The following KDM1B variants were observed in gnomAD, a reference collection of about 807,000 sequenced individuals.
The protein encoded by KDM1B is lysine-specific histone demethylase 2.
KDM1B carries 63 observed loss-of-function variants against 107.4 expected under a neutral mutation model. The observed-to-expected ratio is 0.59, with a 90% CI of 0.48 to 0.72. The LOEUF (loss-of-function observed/expected upper bound fraction) is 0.72. Among genes scored for constraint, KDM1B ranks in the 30% least tolerant of loss-of-function variants. The pLI is 0.00. For missense variants in KDM1B, 749 were observed against 1,020.8 expected (o/e 0.73, Z 3.63); for synonymous variants, 363 against 363.9 (o/e 1.00, Z 0.03).
chr6:18,214,976 A>C lies in KDM1B; in HGVS notation c.2110-31A>C. The C allele has an allele frequency of 1.2e-6, 2 of 1,611,270 alleles. No individual in the cohort carries two copies. Among genetic ancestry groups the C allele is most frequent in the Non-Finnish European group, 1.7e-6 (2 of 1,178,666 alleles). ...TTATCTGTGGGAGCTGAGCACTCAC[A>C]GACCTCCTGCTTTTCCTTTCATGTC... On this transcript the variant is annotated intron_variant, in intron 19 of 21. Coordinates refer to ENST00000650836, the MANE Select transcript of KDM1B (RefSeq NM_001364614.2). This position sits in a 1 kb window ranked among gnomAD's most constrained non-coding sequence, Gnocchi z 4.4.
intron 6 of KDM1B, among the ~76,000 whole-genome samples, chr6:18,166,669 A>C (rs1785318300): frequency 6.6e-6 from 1 of 152,040 alleles, no homozygotes; most frequent in African/African-American, 2.4e-5. Context: ...TCTCATAGTA[A>C]GACCCCATCT....
Position 18,186,756 on chromosome 6 carries a change from G to A in KDM1B, c.573+946G>A, listed in dbSNP as rs1172756469. On this transcript the variant is annotated intron_variant, in intron 8 of 21. Coordinates refer to ENST00000650836, the MANE Select transcript of KDM1B (RefSeq NM_001364614.2). This position sits in a 1 kb window ranked among gnomAD's most constrained non-coding sequence, Gnocchi z 5.6. ...TCCTTCATGATGGCTGGAAGGAGAAGTGTCAAGCAAAGGGGGAAAAGCCCC... is the reference window on the plus strand; with the variant it reads ...TCCTTCATGATGGCTGGAAGGAGAAATGTCAAGCAAAGGGGGAAAAGCCCC... Among the ~76,000 whole-genome samples, 2 of 152,104 alleles carry A rather than the reference G, an allele frequency of 1.3e-5. No individual in the cohort carries two copies. The highest frequency in any genetic ancestry group is 1.5e-5 in the Non-Finnish European group (1 of 68,026).
At position 18,166,336 on chromosome 6, in the gene KDM1B, T is replaced by C. The variant is rs762210329; in HGVS notation, c.375T>C (p.Pro125=). The part of the protein sequence containing the change: ...KIWTSNGKTE[P]SPKAFMADQQ... The stretch of plus-strand genomic sequence containing the variant: ...GGACTAGCAATGGCAAAACCGAACC[T>C]AGTCCCAAAGCTTTCATGGCAGACC... The change falls in exon 6 of 22, where the codon CCT becomes CCC. Residue 125 remains proline, a synonymous_variant. Transcript: ENST00000650836. 6.2e-7 allele frequency: 1 copy of C among 1,613,390 alleles called. No homozygotes were observed. Among genetic ancestry groups the C allele is most frequent in the South Asian group, 1.1e-5 (1 of 91,070 alleles).
rs1246559813 is a variant in KDM1B, at chr6:18,159,613, A to G, written c.-13-270A>G. Among the ~76,000 whole-genome samples, 22 of 152,144 alleles carry G rather than the reference A, an allele frequency of 1.4e-4. No homozygotes were observed. The highest frequency in any genetic ancestry group is 1.4e-3 in the Admixed American group (22 of 15,264). On this transcript the variant is annotated intron_variant, in intron 2 of 21. Coordinates refer to ENST00000650836, the MANE Select transcript of KDM1B (RefSeq NM_001364614.2). The surrounding 1 kb of genome is among the most constrained non-coding windows in gnomAD (Gnocchi z 4.5). ...GGCTTAGAGAGGTTAAGAACTTGAA[A>G]ATGGTGGCTTGAGCCAGGTGGTGTG...
At position 18,214,942 on chromosome 6, in the gene KDM1B, A is replaced by AAT; in HGVS notation, c.2110-64_2110-63insTA. The AAT allele has an allele frequency of 6.5e-7, 1 of 1,531,358 alleles. No individual in the cohort carries two copies. Among genetic ancestry groups the AAT allele is most frequent in the Non-Finnish European group, 8.8e-7 (1 of 1,136,282 alleles). The allele number at this position is 1,531,358 out of a possible 1,614,324, so 94.9% of individuals were successfully genotyped here. ...ACAAAACAAAACAAAAAACAAAAAAAAGAGGCCCTTATCTGTGGGAGCTGA... is the reference window on the plus strand; with the variant it reads ...ACAAAACAAAACAAAAAACAAAAAAAATAGAGGCCCTTATCTGTGGGAGCTGA... On this transcript the variant is annotated intron_variant, in intron 19 of 21. Coordinates refer to ENST00000650836, the MANE Select transcript of KDM1B (RefSeq NM_001364614.2). The surrounding 1 kb of genome is among the most constrained non-coding windows in gnomAD (Gnocchi z 4.4).
intron 15 of KDM1B, among the ~76,000 whole-genome samples, 191 bp from the exon 16 acceptor site, chr6:18,207,207 C>T (rs1193980976): frequency 6.6e-6 from 1 of 151,788 alleles, no homozygotes; most frequent in African/African-American, 2.4e-5. Flanking sequence ...ACCTTTTGTT[C>T]TCAAATAAAC....
At chr6:18,161,216 T>C (rs553462507) in intron 3 of KDM1B, 111 bp from the exon 4 acceptor site, 4 of 900,042 alleles carry the variant, frequency 4.4e-6, no homozygotes, top group African/African-American at 1.6e-5. Context: ...ACTGCCATGA[T>C]GTTTTTGACC....
At chr6:18,170,107 C>T (rs1785559236) in intron 6 of KDM1B, among the ~76,000 whole-genome samples, 1 of 151,950 alleles carries the variant, frequency 6.6e-6, no homozygotes, top group Non-Finnish European at 1.5e-5. Flanking sequence ...GATGGGGTTT[C>T]ACCATGTTGG....
chr6:18,206,427 G>A (rs1245605685), intron 15 of KDM1B, among the ~76,000 whole-genome samples: 1 of 152,140 alleles, frequency 6.6e-6, no homozygotes, highest in Non-Finnish European at 1.5e-5. Context: ...TGAGGTGGGA[G>A]GATTGCTTGA....
intron 10 of KDM1B, among the ~76,000 whole-genome samples, chr6:18,194,162 C>T (rs1364584753): frequency 3.9e-5 from 6 of 152,116 alleles, no homozygotes; most frequent in Admixed American, 3.3e-4. Context: ...CAGGCGTGCA[C>T]TACCACGCCT....
chr6:18,177,204 T>G (rs185434301), intron 7 of KDM1B, among the ~76,000 whole-genome samples: 15 of 152,304 alleles, frequency 9.8e-5, no homozygotes, highest in Admixed American at 3.3e-4. Flanking sequence ...AGGGTTGTAT[T>G]TTTCCAGGAA....
chr6:18,164,585 TTAA>T (rs1785172240), intron 5 of KDM1B, among the ~76,000 whole-genome samples: 1 of 152,226 alleles, frequency 6.6e-6, no homozygotes, highest in Admixed American at 6.5e-5. Context: ...CTCAGCTTTT[TTAA>T]TGTTAGCATG....
Position 18,201,201 on chromosome 6 carries a change from G to A in KDM1B, c.1360-285G>A, listed in dbSNP as rs367926384. On this transcript the variant is annotated intron_variant, in intron 13 of 21. Transcript: ENST00000650836. The surrounding 1 kb of genome is among the most constrained non-coding windows in gnomAD (Gnocchi z 4.3). ...AGACAGAATGTTTGAGCAAGGACAGGCAGTGTCTAGCATCTGAAACATTAG... is the reference window on the plus strand; with the variant it reads ...AGACAGAATGTTTGAGCAAGGACAGACAGTGTCTAGCATCTGAAACATTAG... 5.9e-5 allele frequency among the ~76,000 whole-genome samples: 9 copies of A among 152,288 alleles called. No individual in the cohort carries two copies. The highest frequency in any genetic ancestry group is 5.8e-4 in the East Asian group (3 of 5,178).
In KDM1B at chr6:18,191,417, G is replaced by C; in HGVS notation, c.969+36G>C. ...GCATGTTAGCCAATAGCACTGGACA[G>C]AGGAGGACCATGTTGAAAAGGAGGG... On this transcript the variant is annotated intron_variant, in intron 10 of 21. Coordinates refer to ENST00000650836, the MANE Select transcript of KDM1B (RefSeq NM_001364614.2). The surrounding 1 kb of genome is among the most constrained non-coding windows in gnomAD (Gnocchi z 5.1). 1 of 1,520,994 alleles carries C rather than the reference G, an allele frequency of 6.6e-7. No individual in the cohort carries two copies. Among genetic ancestry groups the C allele is most frequent in the South Asian group, 1.2e-5 (1 of 81,766 alleles). 94.2% of individuals were successfully genotyped at this position (1,520,994 alleles called of 1,614,324 possible). A position where few individuals can be genotyped will look rare whatever the true frequency, so the allele number is the denominator to read the frequency against.
At chr6:18,210,147 T>C (rs902364860) in intron 17 of KDM1B, among the ~76,000 whole-genome samples, 3 of 152,146 alleles carry the variant, frequency 2.0e-5, no homozygotes, top group Non-Finnish European at 2.9e-5. Context: ...CACCACAGTT[T>C]GCATTGGAAG....
At chr6:18,183,870 C>G (rs967210673) in intron 7 of KDM1B, among the ~76,000 whole-genome samples, 1 of 151,808 alleles carries the variant, frequency 6.6e-6, no homozygotes, top group Non-Finnish European at 1.5e-5. Context: ...TTGGCTGTTA[C>G]ATACAAATGC....
intron 20 of KDM1B, among the ~76,000 whole-genome samples, chr6:18,216,261 GGTAGAGACA>G (rs532870102): frequency 1.3e-4 from 19 of 151,846 alleles, no homozygotes; most frequent in Non-Finnish European, 2.1e-4. Flanking sequence ...TTGTATTTTT[GGTAGAGACA>G]GGGTTTCACC....
chr6:18,182,160 C>T (rs899978407), intron 7 of KDM1B, among the ~76,000 whole-genome samples: 3 of 152,078 alleles, frequency 2.0e-5, no homozygotes, highest in Admixed American at 6.6e-5. Context: ...CTTTTCTTCT[C>T]ACCTCACCTT....
chr6:18,156,364 C>T (rs1187714252), intron 2 of KDM1B, among the ~76,000 whole-genome samples: 2 of 152,158 alleles, frequency 1.3e-5, no homozygotes, highest in African/African-American at 4.8e-5. Flanking sequence ...CATAGAAGTC[C>T]AGTCTTCCCT....
Sources: allele counts gnomAD v4.1 joint callset (sites outside exome capture counted in the v4.1 genomes callset), GRCh38; gene constraint gnomAD v4.1.1; non-coding constraint Gnocchi (gnomAD v3.1); transcripts MANE v1.5; gene names NCBI Gene and HGNC (gene_info 2026-07-23, HGNC 2026-07-21).